The following DMD variants were observed in gnomAD, a reference collection of about 807,000 sequenced individuals.
DMD encodes the protein mutant dystrophin.
Under a neutral mutation model 330.1 loss-of-function variants are expected in DMD, and 63 were observed. The observed-to-expected ratio is 0.19, with a 90% CI of 0.16 to 0.24. The LOEUF (loss-of-function observed/expected upper bound fraction) is 0.24, where lower values mean the gene tolerates loss of function less well. Ranked by LOEUF, DMD falls within the 10% of genes least tolerant of loss-of-function variation. The pLI is 1.00. For missense variants in DMD, 3,344 were observed against 2,684.1 expected, an observed-to-expected ratio of 1.25 and a Z score of -5.43; for synonymous variants, 1,223 against 959.8, an observed-to-expected ratio of 1.27 and a Z score of -5.07.
chrX:31,919,751 G>C (rs929846699), intron 47 of DMD, among the ~76,000 whole-genome samples: 2 of 112,025 alleles, frequency 1.8e-5, no homozygotes, highest in African/African-American at 6.5e-5. Flanking sequence ...AATCAAAAGG[G>C]AGAAAAACCA....
At chrX:31,817,248 T>A (rs1328031997) in intron 50 of DMD, among the ~76,000 whole-genome samples, 1 of 112,408 alleles carries the variant, frequency 8.9e-6, no homozygotes, top group African/African-American at 3.2e-5. Context: ...TAAATTCTAT[T>A]ACATTGTAAT....
intron 55 of DMD, among the ~76,000 whole-genome samples, chrX:31,517,476 G>A (rs904195408): frequency 2.7e-5 from 3 of 112,163 alleles, no homozygotes; most frequent in South Asian, 3.8e-4. Context: ...TAGCCAATGA[G>A]AGCTTAGAAT....
At chrX:32,921,402 A>T (rs1340767979) in intron 2 of DMD, among the ~76,000 whole-genome samples, 1 of 112,199 alleles carries the variant, frequency 8.9e-6, no homozygotes, top group Non-Finnish European at 1.9e-5. Context: ...GATAAGTGCA[A>T]ACTAAAAGAC....
At chrX:33,016,023 A>G (rs1602730539) in intron 2 of DMD, among the ~76,000 whole-genome samples, 1 of 110,956 alleles carries the variant, frequency 9.0e-6, no homozygotes, top group South Asian at 4.0e-4. Flanking sequence ...AAAGCCCACC[A>G]AGAGTTTTGC....
intron 1 of DMD, among the ~76,000 whole-genome samples, chrX:33,085,299 G>A (rs2094988558): frequency 9.0e-6 from 1 of 110,818 alleles, no homozygotes; most frequent in Non-Finnish European, 1.9e-5. Context: ...ATTTCTAAAG[G>A]CCTTACAAAG....
At chrX:32,475,087 T>A (rs1023372087) in intron 21 of DMD, among the ~76,000 whole-genome samples, 2 of 111,477 alleles carry the variant, frequency 1.8e-5, no homozygotes, top group African/African-American at 6.5e-5. Flanking sequence ...TAGCCAATTA[T>A]CCCAGCACCA....
At chrX:32,303,994 A>G (rs5971617) in intron 42 of DMD, among the ~76,000 whole-genome samples, 4,676 of 110,979 alleles carry the variant, frequency 0.042, 235 homozygotes, top group African/African-American at 0.14. Flanking sequence ...TGGTAAGGTG[A>G]CCTTTTAATT....
chrX:31,756,463 T>TACAC (rs58167942), intron 51 of DMD, among the ~76,000 whole-genome samples: 37 of 106,779 alleles, frequency 3.5e-4, no homozygotes, highest in Admixed American at 6.0e-4. Context: ...CGTGTATGTG[T>TACAC]ACACACACAC....
At chrX:33,033,742 C>T (rs2094158352) in intron 1 of DMD, among the ~76,000 whole-genome samples, 1 of 110,015 alleles carries the variant, frequency 9.1e-6, no homozygotes, top group African/African-American at 3.3e-5. Flanking sequence ...CTCATACTAG[C>T]CTTATTGTTT....
intron 1 of DMD, among the ~76,000 whole-genome samples, chrX:33,180,478 C>T (rs1050752769): frequency 8.1e-5 from 9 of 111,472 alleles, no homozygotes; most frequent in African/African-American, 2.9e-4. Context: ...TTGGGACCTA[C>T]AAGACTTTAT....
chrX:32,413,832 T>C (rs2098154985), intron 29 of DMD, among the ~76,000 whole-genome samples: 1 of 107,095 alleles, frequency 9.3e-6, no homozygotes, highest in Non-Finnish European at 1.9e-5. Context: ...GTGATTCTCC[T>C]GCCTCAGCCT....
Position 32,645,141 on chromosome X carries a change from A to G in DMD, c.972T>C (p.Ala324=). The G allele has an allele frequency of 2.5e-6, 3 of 1,211,466 alleles. No homozygotes were observed. The highest frequency in any genetic ancestry group is 2.2e-6 in the Non-Finnish European group (2 of 895,301). The change falls in exon 10 of 79, where the codon GCT becomes GCC. Residue 324 remains alanine (A), a synonymous_variant. Transcript: ENST00000357033. ...RSPFPSQHLE[A]PEDKSFGSSL... ...AACTGCCAAATGACTTGTCTTCAGGAGCTTCCAAATGCTGCACAATAAAAT... is the reference window on the plus strand; with the variant it reads ...AACTGCCAAATGACTTGTCTTCAGGGGCTTCCAAATGCTGCACAATAAAAT...
chrX:32,637,642 G>A (rs2146707525), intron 11 of DMD, among the ~76,000 whole-genome samples: 1 of 111,764 alleles, frequency 8.9e-6, no homozygotes, highest in African/African-American at 3.3e-5. Context: ...AGTTCGGCAT[G>A]GCTGGGGAGG....
intron 61 of DMD, among the ~76,000 whole-genome samples, chrX:31,330,334 A>C (rs2057050933): frequency 9.0e-6 from 1 of 111,727 alleles, no homozygotes; most frequent in African/African-American, 3.3e-5. Context: ...AGAAGCTAGA[A>C]TAAAGTGGGA....
At chrX:32,318,318 T>G (rs7474172) in intron 41 of DMD, among the ~76,000 whole-genome samples, 58,682 of 109,872 alleles carry the variant, frequency 0.53, 12,524 homozygotes, top group South Asian at 0.8. Flanking sequence ...TGGTCCAGGG[T>G]GATTAAAAAA....
chrX:33,180,696 G>A (rs1323843684), intron 1 of DMD, among the ~76,000 whole-genome samples: 2 of 111,580 alleles, frequency 1.8e-5, no homozygotes, highest in Non-Finnish European at 3.8e-5. Context: ...TCAGGAATGT[G>A]TAGGTGATTT....
intron 29 of DMD, among the ~76,000 whole-genome samples, chrX:32,433,153 A>C (rs147494625): frequency 3.2e-3 from 359 of 112,454 alleles, no homozygotes; most frequent in African/African-American, 0.011. Flanking sequence ...AATACTTTTA[A>C]GGCCATGTTT....
chrX:32,559,887 A>G (rs560846038), intron 16 of DMD, among the ~76,000 whole-genome samples: 1 of 111,639 alleles, frequency 9.0e-6, no homozygotes, highest in East Asian at 2.8e-4. Context: ...ACACATAATT[A>G]TATAATAATC....
chrX:31,861,021 T>A (rs767385257), intron 48 of DMD, among the ~76,000 whole-genome samples: 2 of 112,214 alleles, frequency 1.8e-5, no homozygotes, highest in Non-Finnish European at 3.8e-5. Context: ...CTGTCTGTTG[T>A]AGAAAACATT....
Sources: allele counts gnomAD v4.1 joint callset (sites outside exome capture counted in the v4.1 genomes callset), GRCh38; gene constraint gnomAD v4.1.1; transcripts MANE v1.5; gene names NCBI Gene and HGNC (gene_info 2026-07-23, HGNC 2026-07-21).